Variants in SEMA6A observed in about 807,000 individuals in gnomAD.
SEMA6A encodes the protein semaphorin 6A.
In SEMA6A, 25 loss-of-function variants were observed where a neutral mutation model predicts 96.8. The observed-to-expected ratio is 0.26, with a 90% CI of 0.19 to 0.36. The LOEUF (loss-of-function observed/expected upper bound fraction) is 0.36. Ranked by LOEUF, SEMA6A falls within the 10% of genes least tolerant of loss-of-function variation. SEMA6A has a pLI of 1.00. For synonymous variants in SEMA6A, 612 were observed against 518.0 expected (o/e 1.18, Z -2.46); for missense variants, 1,363 against 1,323.1 (o/e 1.03, Z -0.47).
chr5:116,556,728 G>A (rs1164593132), intron 1 of SEMA6A, among the ~76,000 whole-genome samples: 1 of 152,170 alleles, frequency 6.6e-6, no homozygotes, highest in Non-Finnish European at 1.5e-5. Context: ...TTTTGTGTGT[G>A]TGTAGCGCTA....
Position 116,480,240 on chromosome 5 carries a change from A to G in SEMA6A, c.1132T>C (p.Tyr378His), listed in dbSNP as rs770175048. The change falls in exon 12 of 19, where the codon TAT (tyrosine) becomes CAT (histidine). Residue 378 changes from tyrosine (Y) to histidine (H), a missense_variant. By Grantham distance (83) the Tyr-to-His change is moderately conservative. Around this residue, in one of 2 missense-constraint regions of SEMA6A, gnomAD observed 480 missense variants for 559.5 expected, o/e 0.86. Coordinates refer to ENST00000343348, the MANE Select transcript of SEMA6A (RefSeq NM_020796.5). ...CCAGSSSLER[Y>H]ATSNEFPDDT... The stretch of plus-strand genomic sequence containing the variant: ...TCAGGGAACTCATTGGAGGTTGCAT[A>G]TCTTTCTAAGGAGGATGAGCCAGCA... 2 of 1,613,876 alleles carry G rather than the reference A, an allele frequency of 1.2e-6. No individual in the cohort carries two copies. Among genetic ancestry groups the G allele is most frequent in the South Asian group, 1.1e-5 (1 of 91,086 alleles).
Position 116,562,951 on chromosome 5 carries a change from G to A in SEMA6A, c.-39+11234C>T, listed in dbSNP as rs192659766. 1.0e-4 allele frequency: 59 copies of A among 580,068 alleles called. 1 individual carries two copies. Among genetic ancestry groups the A allele is most frequent in the East Asian group, 9.6e-4 (24 of 25,038 alleles). The allele number at this position is 580,068 out of a possible 1,614,324, so 35.9% of individuals were successfully genotyped here. A position where few individuals can be genotyped will look rare whatever the true frequency, so the allele number is the denominator to read the frequency against. On this transcript the variant is annotated intron_variant, in intron 1 of 18. Coordinates refer to ENST00000343348, the MANE Select transcript of SEMA6A (RefSeq NM_020796.5). ...TATGAAGATGGGGTGGATAGAGGACGTCCCCCCCATCCTCTCTGACAGCAC... is the reference window on the plus strand; with the variant it reads ...TATGAAGATGGGGTGGATAGAGGACATCCCCCCCATCCTCTCTGACAGCAC...
Position 116,497,382 on chromosome 5 carries a change from T to C in SEMA6A, c.224A>G (p.His75Arg). 1 of 1,591,390 alleles carries C rather than the reference T, an allele frequency of 6.3e-7. No individual in the cohort carries two copies. The highest frequency in any genetic ancestry group is 8.6e-7 in the Non-Finnish European group (1 of 1,161,522). Residue 75 changes from histidine (H) to arginine (R), a missense_variant, in exon 4 of 19, where the codon CAT (histidine) becomes CGT (arginine). Coordinates refer to ENST00000343348, the MANE Select transcript of SEMA6A (RefSeq NM_020796.5). ...NGTLYIAARDHIYTVDIDTSH... is the reference protein window; with the variant it reads ...NGTLYIAARDRIYTVDIDTSH... The stretch of plus-strand genomic sequence containing the variant: ...TGTGTCTATATCAACAGTATAAATA[T>C]GGTCCCTATAGGCAAAGAAAAATTA...
In SEMA6A at chr5:116,502,529, A is replaced by T. The variant is rs1039198955; in HGVS notation, c.101-202T>A. ...TTAAGGTTCATCAAGTTACACTTTC[A>T]TTTCTAGATAATTATAAGCCTGGAT... is the stretch of plus-strand genomic sequence containing the variant. On this transcript the variant is annotated intron_variant, in intron 2 of 18. Transcript: ENST00000343348. 20 of 528,122 alleles carry T rather than the reference A, an allele frequency of 3.8e-5. 1 individual carries two copies. Among genetic ancestry groups the T allele is most frequent in the African/African-American group, 3.4e-4 (18 of 52,300 alleles). 32.7% of individuals were successfully genotyped at this position (528,122 alleles called of 1,614,324 possible).
chr5:116,566,373 A>T (rs1761029584), intron 1 of SEMA6A, among the ~76,000 whole-genome samples: 1 of 152,252 alleles, frequency 6.6e-6, no homozygotes, highest in Non-Finnish European at 1.5e-5. Context: ...ATATTAAAAG[A>T]AAGCTTCAAG....
At chr5:116,562,623 C>T (rs760998016) in intron 1 of SEMA6A, 13 of 691,000 alleles carry the variant, frequency 1.9e-5, no homozygotes, top group East Asian at 3.1e-5. Flanking sequence ...CCTCAGGTGG[C>T]TGACGGAGAA....
intron 1 of SEMA6A, among the ~76,000 whole-genome samples, chr5:116,560,311 A>G (rs1401713682): frequency 6.6e-6 from 1 of 152,166 alleles, no homozygotes; most frequent in Non-Finnish European, 1.5e-5. Flanking sequence ...TCACATCTCT[A>G]CCTTCTTCAC....
intron 7 of SEMA6A, 80 bp downstream of exon 7, chr5:116,491,660 C>A: frequency 9.4e-7 from 1 of 1,060,510 alleles, no homozygotes; most frequent in Non-Finnish European, 1.5e-6. Context: ...TGTGACTCCA[C>A]GAATCCTCTA....
chr5:116,448,888 A>C (rs1477428614), intron 18 of SEMA6A, among the ~76,000 whole-genome samples: 1 of 151,992 alleles, frequency 6.6e-6, no homozygotes, highest in Admixed American at 6.6e-5. Context: ...AGTGGGTTTG[A>C]GAAGTGTTAG....
rs114562643 is a variant in SEMA6A, at chr5:116,544,549, T to C, written c.-39+29636A>G. On this transcript the variant is annotated intron_variant, in intron 1 of 18. Coordinates refer to ENST00000343348, the MANE Select transcript of SEMA6A (RefSeq NM_020796.5). ...CCTGGGCTCAAGTGATCCTCCCGTC[T>C]CAGCTTACCAAAGTGCTGGGATTAC... Among the ~76,000 whole-genome samples, 393 of 152,206 alleles carry C rather than the reference T, an allele frequency of 2.6e-3. 2 individuals carry two copies. Among genetic ancestry groups the C allele is most frequent in the African/African-American group, 9.0e-3 (373 of 41,518 alleles).
At chr5:116,557,147 A>G (rs1760638705) in intron 1 of SEMA6A, among the ~76,000 whole-genome samples, 1 of 152,232 alleles carries the variant, frequency 6.6e-6, no homozygotes, top group South Asian at 2.1e-4. Flanking sequence ...GAAGTTTGAG[A>G]ACTCTTCTCT....
intron 2 of SEMA6A, among the ~76,000 whole-genome samples, chr5:116,504,613 G>C (rs1460190611): frequency 6.6e-6 from 1 of 152,196 alleles, no homozygotes; most frequent in Non-Finnish European, 1.5e-5. Context: ...GACTTCATCA[G>C]GGTTACGAGG....
intron 15 of SEMA6A, among the ~76,000 whole-genome samples, chr5:116,476,139 G>T (rs1001667973): frequency 6.6e-6 from 1 of 152,074 alleles, no homozygotes; most frequent in African/African-American, 2.4e-5. Context: ...TTGGTTATTT[G>T]TTCACTCCCA....
chr5:116,537,964 CAGG>C (rs985204168), intron 1 of SEMA6A, among the ~76,000 whole-genome samples: 1 of 152,148 alleles, frequency 6.6e-6, no homozygotes, highest in African/African-American at 2.4e-5. Context: ...ATCATGAGGT[CAGG>C]AGATCAAGAC....
At chr5:116,531,503 G>C (rs1461269892) in intron 1 of SEMA6A, among the ~76,000 whole-genome samples, 1 of 152,104 alleles carries the variant, frequency 6.6e-6, no homozygotes, top group Non-Finnish European at 1.5e-5. Context: ...TCAAAATCTG[G>C]TGGTGAAAGT....
At chr5:116,449,408 A>C (rs1313349160) in intron 18 of SEMA6A, 2 of 701,184 alleles carry the variant, frequency 2.9e-6, no homozygotes, top group Non-Finnish European at 5.2e-6. Flanking sequence ...TATCAGTGGC[A>C]CAGAATTAGA....
intron 1 of SEMA6A, among the ~76,000 whole-genome samples, chr5:116,510,016 G>A (rs1758334468): frequency 1.3e-5 from 2 of 152,072 alleles, no homozygotes; most frequent in South Asian, 4.2e-4. Context: ...GTCAATGTGT[G>A]GTACTGTTTG....
At chr5:116,490,342 T>C (rs1757271081) in intron 7 of SEMA6A, among the ~76,000 whole-genome samples, 1 of 152,182 alleles carries the variant, frequency 6.6e-6, no homozygotes, top group East Asian at 1.9e-4. Flanking sequence ...TATATTCCTA[T>C]AGCCCCGCCT....
chr5:116,530,141 T>G (rs1380989082), intron 1 of SEMA6A, among the ~76,000 whole-genome samples: 4 of 152,220 alleles, frequency 2.6e-5, no homozygotes, highest in Non-Finnish European at 4.4e-5. Context: ...TTCAATATCC[T>G]TGAAGATATA....
Sources: gnomAD v4.1 joint callset for allele counts (sites outside exome capture counted in the v4.1 genomes callset) on GRCh38, gnomAD v4.1.1 for gene constraint, gnomAD v4.1.1 regional missense constraint, MANE v1.5 for transcripts, NCBI Gene and HGNC (gene_info 2026-07-23, HGNC 2026-07-21) for gene names.